Variants in SV2C observed in about 807,000 individuals in gnomAD.
The protein encoded by SV2C is synaptic vesicle glycoprotein 2C, also known as solute carrier family 22 member B3.
SV2C carries 49 observed loss-of-function variants against 79.7 expected under a neutral mutation model. That is an observed-to-expected ratio of 0.61 (90% CI 0.49 to 0.78). The LOEUF (loss-of-function observed/expected upper bound fraction) is 0.78, where lower values mean the gene tolerates loss of function less well. SV2C is among the 30% of genes least tolerant of loss of function. SV2C has a pLI of 0.00. For missense variants in SV2C, 833 were observed against 912.9 expected (o/e 0.91, Z 1.13); for synonymous variants, 334 against 333.2 (o/e 1.00, Z -0.03).
At chr5:76,048,170 T>C in the SV2C span, among the ~76,000 whole-genome samples, 2 of 152,188 alleles carry the variant, frequency 1.3e-5, no homozygotes, top group African/African-American at 4.8e-5. Flanking sequence ...AGATACATTA[T>C]GGGAATTGGT....
At chr5:75,986,958 G>A in the SV2C span, among the ~76,000 whole-genome samples, 9 of 152,022 alleles carry the variant, frequency 5.9e-5, no homozygotes, top group Admixed American at 3.9e-4. Context: ...GGTTAGGCAT[G>A]TTTGCTGGCA....
At chr5:76,146,874 A>G (rs1386858173) in intron 2 of SV2C, among the ~76,000 whole-genome samples, 1 of 151,892 alleles carries the variant, frequency 6.6e-6, no homozygotes, top group East Asian at 1.9e-4. Flanking sequence ...AAGTTTTAAA[A>G]AGAAAAAAAT....
At chr5:76,224,965 G>T (rs533985368) in intron 4 of SV2C, among the ~76,000 whole-genome samples, 131 of 152,246 alleles carry the variant, frequency 8.6e-4, no homozygotes, top group Middle Eastern at 3.4e-3. Context: ...TCAAAATCAA[G>T]TTTATATTTG....
In SV2C at chr5:76,202,015, C is replaced by CAAAAAA. The variant is rs373279209; in HGVS notation, c.761+6932_761+6937dup. 2.2e-4 allele frequency among the ~76,000 whole-genome samples: 18 copies of CAAAAAA among 81,984 alleles called. 1 individual carries two copies. The highest frequency in any genetic ancestry group is 7.1e-3 in the Middle Eastern group (1 of 140). The allele number at this position is 81,984 out of a possible 152,430, so 53.8% of individuals were successfully genotyped here. On this transcript the variant is annotated intron_variant, in intron 3 of 12. Coordinates refer to ENST00000502798, the MANE Select transcript of SV2C (RefSeq NM_014979.4). The stretch of plus-strand genomic sequence containing the variant: ...TGGGCGACAGAGCGAGACTCCATCT[C>CAAAAAA]AAAAAAAAAAAAAAAAAAAAAGAAA...
the SV2C span, chr5:75,921,454 C>T: frequency 0.046 from 37,126 of 798,960 alleles, 6,310 homozygotes; most frequent in African/African-American, 0.45. Context: ...TTCTTGCCAT[C>T]CTTGCCCATA....
At chr5:75,861,092 A>G in the SV2C span, among the ~76,000 whole-genome samples, 1 of 152,218 alleles carries the variant, frequency 6.6e-6, no homozygotes, top group Non-Finnish European at 1.5e-5. Context: ...CAAAGATATA[A>G]TGTCCAGAAT....
intron 1 of SV2C, among the ~76,000 whole-genome samples, chr5:76,096,107 A>T (rs1172514307): frequency 2.0e-5 from 3 of 152,154 alleles, no homozygotes; most frequent in African/African-American, 7.2e-5. Context: ...AGTTCATGAA[A>T]TACACATTGG....
At chr5:75,966,422 G>C in the SV2C span, among the ~76,000 whole-genome samples, 11 of 152,062 alleles carry the variant, frequency 7.2e-5, no homozygotes, top group African/African-American at 2.7e-4. Flanking sequence ...CTTATTTCCT[G>C]GTCCCAACAG....
At chr5:75,956,817 C>G in the SV2C span, among the ~76,000 whole-genome samples, 1 of 151,942 alleles carries the variant, frequency 6.6e-6, no homozygotes, top group Non-Finnish European at 1.5e-5. Context: ...AGCCCAGTTC[C>G]CACTGGTAGA....
intron 1 of SV2C, among the ~76,000 whole-genome samples, chr5:76,091,987 T>C (rs1296298115): frequency 1.3e-5 from 2 of 152,174 alleles, no homozygotes; most frequent in African/African-American, 2.4e-5. Context: ...GCCACTGAAA[T>C]GAATGAGGTG....
intron 2 of SV2C, among the ~76,000 whole-genome samples, chr5:76,193,470 A>G (rs76140220): frequency 0.021 from 3,149 of 152,324 alleles, 52 homozygotes; most frequent in Non-Finnish European, 0.034. Context: ...TTTGCTTCAC[A>G]TCACCTGGTT....
At chr5:75,945,726 T>C in the SV2C span, among the ~76,000 whole-genome samples, 1 of 152,068 alleles carries the variant, frequency 6.6e-6, no homozygotes, top group Non-Finnish European at 1.5e-5. Context: ...CATACGAGTA[T>C]GTTCTCTAGG....
the SV2C span, among the ~76,000 whole-genome samples, chr5:75,896,214 G>A: frequency 0.061 from 4,151 of 67,762 alleles, 242 homozygotes; most frequent in African/African-American, 0.2. Context: ...CCCTCCCCCC[G>A]CCCCCTACCC....
At chr5:76,261,288 A>G (rs1249403018) in intron 4 of SV2C, among the ~76,000 whole-genome samples, 2 of 152,116 alleles carry the variant, frequency 1.3e-5, no homozygotes, top group Non-Finnish European at 2.9e-5. Context: ...TTGCACAATG[A>G]TTTTGTATTC....
the SV2C span, among the ~76,000 whole-genome samples, chr5:76,027,576 G>A: frequency 6.6e-6 from 1 of 152,216 alleles, no homozygotes; most frequent in East Asian, 1.9e-4. Flanking sequence ...AGTTGTTTTA[G>A]CATTGATATA....
At chr5:76,096,111 A>G (rs1747549399) in intron 1 of SV2C, among the ~76,000 whole-genome samples, 1 of 152,156 alleles carries the variant, frequency 6.6e-6, no homozygotes, top group Non-Finnish European at 1.5e-5. Context: ...CATGAAATAC[A>G]CATTGGTATG....
the SV2C span, among the ~76,000 whole-genome samples, chr5:76,053,605 A>C: frequency 1.3e-4 from 20 of 152,344 alleles, no homozygotes; most frequent in Admixed American, 2.0e-4. Flanking sequence ...AGATTCTATC[A>C]GTAGTTCCGG....
chr5:75,885,625 C>G, the SV2C span, among the ~76,000 whole-genome samples: 1 of 152,114 alleles, frequency 6.6e-6, no homozygotes, highest in African/African-American at 2.4e-5. Flanking sequence ...TTGTAGTGCA[C>G]TACAGCCTGG....
the SV2C span, among the ~76,000 whole-genome samples, chr5:75,955,470 A>G: frequency 1.3e-5 from 2 of 150,942 alleles, no homozygotes; most frequent in African/African-American, 4.9e-5. Context: ...ATTACCATTC[A>G]GGACATAGGC....
Sources: gnomAD v4.1 joint callset for allele counts (sites outside exome capture counted in the v4.1 genomes callset) on GRCh38, gnomAD v4.1.1 for gene constraint, MANE v1.5 for transcripts, NCBI Gene and HGNC (gene_info 2026-07-23, HGNC 2026-07-21) for gene names.